The following SLC6A2 variants were observed in gnomAD, a reference collection of about 807,000 sequenced individuals.
The protein encoded by SLC6A2 is sodium-dependent noradrenaline transporter.
Under a neutral mutation model 71.7 loss-of-function variants are expected in SLC6A2, and 26 were observed. The observed-to-expected ratio is 0.36, with a 90% CI of 0.27 to 0.50. SLC6A2 has a LOEUF of 0.50. SLC6A2 is among the 20% of genes least tolerant of loss of function. The probability of loss-of-function intolerance (pLI) is 0.96; values close to 1 mark genes in which losing one functional copy is unlikely to be tolerated. For missense variants in SLC6A2, 581 were observed against 803.9 expected (o/e 0.72, Z 3.35); for synonymous variants, 363 against 337.9 (o/e 1.07, Z -0.82).
At chr16:55,692,776 C>T (rs1350932747) in intron 6 of SLC6A2, among the ~76,000 whole-genome samples, 1 of 152,134 alleles carries the variant, frequency 6.6e-6, no homozygotes, top group Admixed American at 6.6e-5. Context: ...CCTGGCAGGC[C>T]CCAGCAGCAC....
intron 5 of SLC6A2, among the ~76,000 whole-genome samples, chr16:55,691,667 A>C (rs148680478): frequency 6.6e-6 from 1 of 152,276 alleles, no homozygotes. Flanking sequence ...TCATAGTGCT[A>C]TCCCCACTGT....
intron 2 of SLC6A2, among the ~76,000 whole-genome samples, chr16:55,667,492 C>T (rs1343029533): frequency 1.3e-5 from 2 of 152,238 alleles, no homozygotes; most frequent in Non-Finnish European, 2.9e-5. Context: ...TTGTTACTTT[C>T]AGCAACCCCA....
At chr16:55,662,444 C>A (rs1964635407) in intron 2 of SLC6A2, among the ~76,000 whole-genome samples, 2 of 152,174 alleles carry the variant, frequency 1.3e-5, no homozygotes, top group South Asian at 4.1e-4. Flanking sequence ...TGATATGCTG[C>A]AGATCTCCTA....
At chr16:55,696,698 T>C (rs1391050245) in intron 9 of SLC6A2, among the ~76,000 whole-genome samples, 1 of 152,188 alleles carries the variant, frequency 6.6e-6, no homozygotes, top group Non-Finnish European at 1.5e-5. Flanking sequence ...CAATAATCAA[T>C]AGGCCAGGCA....
chr16:55,700,078 T>C, intron 12 of SLC6A2, 61 bp from the exon 13 acceptor site: 1 of 1,457,604 alleles, frequency 6.9e-7, no homozygotes, highest in South Asian at 1.1e-5. Context: ...CCTTCTCTCT[T>C]TCCTTTCTTG....
intron 11 of SLC6A2, among the ~76,000 whole-genome samples, chr16:55,698,818 A>G (rs1965880997): frequency 6.6e-6 from 1 of 152,250 alleles, no homozygotes; most frequent in South Asian, 2.1e-4. Flanking sequence ...CCCCCAAGTC[A>G]TATAATTCAT....
At chr16:55,678,644 A>G (rs544125968) in intron 4 of SLC6A2, among the ~76,000 whole-genome samples, 82 of 152,302 alleles carry the variant, frequency 5.4e-4, no homozygotes, top group Non-Finnish European at 9.8e-4. Context: ...GTGCCTGGCA[A>G]TAGAAAACTT....
rs765085911 is a variant in SLC6A2 at position 55,656,826 on chromosome 16, C to T, written c.132C>T (p.Cys44=). 3 of 1,613,520 alleles carry T rather than the reference C, an allele frequency of 1.9e-6. No individual in the cohort carries two copies. The highest frequency in any genetic ancestry group is 2.2e-5 in the South Asian group (2 of 91,046). ...TGAAGGAGCGCAACGGCGTCCAGTG[C>T]CTGCTGGCGCCCCGCGACGGCGACG... ...LVVKERNGVQ[C]LLAPRDGDAQ... The change falls in exon 2 of 15, where the codon TGC becomes TGT. Residue 44 remains cysteine, a synonymous_variant. Coordinates refer to ENST00000568943, the MANE Select transcript of SLC6A2 (RefSeq NM_001172501.3). This position sits in a 1 kb window ranked among gnomAD's most constrained non-coding sequence, Gnocchi z 4.5.
At chr16:55,660,661 C>T (rs1381728637) in intron 2 of SLC6A2, among the ~76,000 whole-genome samples, 7 of 151,500 alleles carry the variant, frequency 4.6e-5, no homozygotes, top group African/African-American at 1.7e-4. Context: ...GGGCATAGTA[C>T]AGCCCCTCTC....
intron 2 of SLC6A2, among the ~76,000 whole-genome samples, chr16:55,664,121 G>A (rs1299035453): frequency 4.6e-5 from 7 of 152,164 alleles, no homozygotes; most frequent in African/African-American, 1.7e-4. Context: ...ACACGTGGAG[G>A]TTCCTGAGTA....
chr16:55,691,841 A>T, intron 5 of SLC6A2, 77 bp from the exon 6 acceptor site: 1 of 1,526,994 alleles, frequency 6.5e-7, no homozygotes. Flanking sequence ...TCCCTGGGAA[A>T]GGGCTCTGTG....
chr16:55,675,513 C>T (rs1430249537), intron 4 of SLC6A2, among the ~76,000 whole-genome samples: 1 of 152,198 alleles, frequency 6.6e-6, no homozygotes, highest in Non-Finnish European at 1.5e-5. Flanking sequence ...CCTAAACAGT[C>T]CATAGCTCAG....
intron 10 of SLC6A2, 44 bp downstream of exon 10, chr16:55,698,069 C>A: frequency 6.2e-7 from 1 of 1,605,182 alleles, no homozygotes; most frequent in Non-Finnish European, 8.5e-7. Context: ...GCCTCTGAGG[C>A]CGCATTTCAA....
intron 3 of SLC6A2, among the ~76,000 whole-genome samples, chr16:55,671,068 A>G (rs1156697136): frequency 6.6e-6 from 1 of 152,240 alleles, no homozygotes; most frequent in Admixed American, 6.5e-5. Context: ...CACAGGGCTG[A>G]AGTTCCAATC....
chr16:55,677,517 G>A (rs1195961545), intron 4 of SLC6A2, among the ~76,000 whole-genome samples: 1 of 152,140 alleles, frequency 6.6e-6, no homozygotes, highest in Non-Finnish European at 1.5e-5. Context: ...GCCAGAGGGA[G>A]AGGTGAGATA....
chr16:55,662,727 C>T lies in SLC6A2; in HGVS notation c.274+5759C>T, dbSNP rs566542612. 3.0e-4 allele frequency among the ~76,000 whole-genome samples: 46 copies of T among 152,288 alleles called. 1 individual carries two copies. Among genetic ancestry groups the T allele is most frequent in the Middle Eastern group, 3.4e-3 (1 of 294 alleles). On this transcript the variant is annotated intron_variant, in intron 2 of 14. Coordinates refer to ENST00000568943, the MANE Select transcript of SLC6A2 (RefSeq NM_001172501.3). ...AGAATTACCACATGAGGAGGGGTAGCCCGGCGCCAGTTTCCCTGAATTCCA... is the reference window on the plus strand; with the variant it reads ...AGAATTACCACATGAGGAGGGGTAGTCCGGCGCCAGTTTCCCTGAATTCCA...
At position 55,667,059 on chromosome 16, in the gene SLC6A2, G is replaced by A. The variant is rs114513693; in HGVS notation, c.275-2506G>A. Among the ~76,000 whole-genome samples the A allele has an allele frequency of 9.2e-3, 1,393 of 151,972 alleles. 22 individuals are homozygous for A. Among genetic ancestry groups the A allele is most frequent in the African/African-American group, 0.032 (1,331 of 41,438 alleles). On this transcript the variant is annotated intron_variant, in intron 2 of 14. Coordinates refer to ENST00000568943, the MANE Select transcript of SLC6A2 (RefSeq NM_001172501.3). ...ATCTCACTCTGTCACCCAGGCTGCAGGGCAGTGGCATGATCATAGCTCACT... is the reference window on the plus strand; with the variant it reads ...ATCTCACTCTGTCACCCAGGCTGCAAGGCAGTGGCATGATCATAGCTCACT...
At chr16:55,690,600 G>A (rs1328293274) in intron 5 of SLC6A2, among the ~76,000 whole-genome samples, 6 of 152,072 alleles carry the variant, frequency 3.9e-5, no homozygotes, top group Non-Finnish European at 7.4e-5. Context: ...CTTGACCTTA[G>A]CCTGATTTTT....
chr16:55,686,041 A>C (rs1179263095), intron 5 of SLC6A2, among the ~76,000 whole-genome samples: 2 of 152,188 alleles, frequency 1.3e-5, no homozygotes, highest in African/African-American at 4.8e-5. Context: ...ATGGATGGGA[A>C]ATTTTCTTTC....
Sources: allele counts gnomAD v4.1 joint callset (sites outside exome capture counted in the v4.1 genomes callset), GRCh38; gene constraint gnomAD v4.1.1; non-coding constraint Gnocchi (gnomAD v3.1); transcripts MANE v1.5; gene names NCBI Gene and HGNC (gene_info 2026-07-23, HGNC 2026-07-21).